SKIC3: variants seen among roughly 807,000 people sequenced by gnomAD.
SKIC3 encodes the protein superkiller complex protein 3.
At chr5:95,473,217 C>A in the SKIC3 span, among the ~76,000 whole-genome samples, 5 of 152,184 alleles carry the variant, frequency 3.3e-5, no homozygotes, top group Admixed American at 3.3e-4. Flanking sequence ...TCTCCACCAA[C>A]AGTATATAAG....
the SKIC3 span, among the ~76,000 whole-genome samples, chr5:95,475,431 CCT>C: frequency 6.6e-6 from 1 of 152,012 alleles, no homozygotes. Flanking sequence ...GTACATCCCC[CCT>C]CTCTCTCTTG....
the SKIC3 span, among the ~76,000 whole-genome samples, chr5:95,539,259 A>C: frequency 6.6e-6 from 1 of 152,320 alleles, no homozygotes; most frequent in Admixed American, 6.5e-5. Flanking sequence ...CAAGAAAAAA[A>C]AACAACAATC....
At chr5:95,541,938 T>C in the SKIC3 span, 2 of 1,423,820 alleles carry the variant, frequency 1.4e-6, no homozygotes, top group Non-Finnish European at 2.0e-6. Flanking sequence ...ATTATTCTTT[T>C]TCCTAAAACA....
the SKIC3 span, chr5:95,497,359 A>G: frequency 7.3e-7 from 1 of 1,362,756 alleles, no homozygotes; most frequent in Non-Finnish European, 1.0e-6. Flanking sequence ...AAATTATCAT[A>G]TTTACCATAT....
the SKIC3 span, chr5:95,523,817 T>C: frequency 1.2e-6 from 2 of 1,613,308 alleles, no homozygotes; most frequent in African/African-American, 1.3e-5. Context: ...TGCCCATATA[T>C]GTATCCAGTC....
chr5:95,494,972 G>T, the SKIC3 span: 1 of 1,613,596 alleles, frequency 6.2e-7, no homozygotes, highest in Non-Finnish European at 8.5e-7. Context: ...ACCTTTCCAT[G>T]ATTTGAGTCC....
At chr5:95,465,887 G>C in the SKIC3 span, among the ~76,000 whole-genome samples, 2 of 152,176 alleles carry the variant, frequency 1.3e-5, no homozygotes, top group Admixed American at 1.3e-4. Flanking sequence ...CTAGAACAAA[G>C]AGTAATCAGG....
the SKIC3 span, among the ~76,000 whole-genome samples, chr5:95,481,069 A>T: frequency 6.6e-6 from 1 of 152,102 alleles, no homozygotes; most frequent in Non-Finnish European, 1.5e-5. Context: ...TATATAGAGT[A>T]GTACTTTTAA....
chr5:95,507,682 G>A, the SKIC3 span, among the ~76,000 whole-genome samples: 1 of 152,140 alleles, frequency 6.6e-6, no homozygotes, highest in Non-Finnish European at 1.5e-5. Context: ...CCCTGATGTT[G>A]CATGAAAAAC....
the SKIC3 span, chr5:95,529,974 C>T: frequency 3.9e-6 from 5 of 1,298,422 alleles, no homozygotes; most frequent in African/African-American, 1.5e-5. Flanking sequence ...TATGCAGGTA[C>T]ATTTTTTCCC....
At chr5:95,527,140 T>C in the SKIC3 span, among the ~76,000 whole-genome samples, 265 of 152,350 alleles carry the variant, frequency 1.7e-3, no homozygotes, top group African/African-American at 6.3e-3. Context: ...TGAGCCCTTT[T>C]GTAGTCTGAG....
At chr5:95,486,071 G>T in the SKIC3 span, among the ~76,000 whole-genome samples, 1 of 152,164 alleles carries the variant, frequency 6.6e-6, no homozygotes, top group Admixed American at 6.5e-5. Context: ...CTAACATAGG[G>T]AGTACATAAT....
chr5:95,536,766 T>C, the SKIC3 span: 1 of 1,412,048 alleles, frequency 7.1e-7, no homozygotes, highest in South Asian at 1.2e-5. Flanking sequence ...ATAACATCAC[T>C]CACATAATCA....
chr5:95,531,603 T>C, the SKIC3 span, among the ~76,000 whole-genome samples: 1 of 152,178 alleles, frequency 6.6e-6, no homozygotes, highest in Admixed American at 6.5e-5. Flanking sequence ...CAGAATCACT[T>C]GGAAGACTTG....
At chr5:95,520,027 A>G in the SKIC3 span, among the ~76,000 whole-genome samples, 1 of 152,042 alleles carries the variant, frequency 6.6e-6, no homozygotes, top group Non-Finnish European at 1.5e-5. Context: ...TAAATACAAA[A>G]CAGAGGAGAA....
At chr5:95,547,185 T>A in the SKIC3 span, 2 of 1,580,828 alleles carry the variant, frequency 1.3e-6, no homozygotes, top group Non-Finnish European at 1.7e-6. Context: ...AAATCTACAG[T>A]AATACCTACC....
the SKIC3 span, chr5:95,498,265 C>T: frequency 8.1e-7 from 1 of 1,236,882 alleles, no homozygotes; most frequent in Non-Finnish European, 1.2e-6. Flanking sequence ...GTTTGGTTTT[C>T]AAATGTATAT....
chr5:95,503,835 G>T, the SKIC3 span: 1 of 1,613,818 alleles, frequency 6.2e-7, no homozygotes, highest in Non-Finnish European at 8.5e-7. Context: ...TCTTTATAAA[G>T]CCCCTTCATG....
the SKIC3 span, among the ~76,000 whole-genome samples, chr5:95,537,336 C>T: frequency 1.3e-5 from 2 of 152,292 alleles, no homozygotes; most frequent in East Asian, 3.9e-4. Context: ...GGCCAGCAAA[C>T]TGCACTCAAC....
Sources: allele counts gnomAD v4.1 joint callset (sites outside exome capture counted in the v4.1 genomes callset), GRCh38; gene constraint gnomAD v4.1.1; transcripts MANE v1.5; gene names NCBI Gene and HGNC (gene_info 2026-07-23, HGNC 2026-07-21).